NAALADL2: variants seen among roughly 807,000 people sequenced by gnomAD.
The protein encoded by NAALADL2 is inactive N-acetylated-alpha-linked acidic dipeptidase-like protein 2.
A neutral mutation model predicts 87.2 loss-of-function variants in NAALADL2; 76 were observed. The observed-to-expected ratio is 0.87, with a 90% confidence interval of 0.72 to 1.05. The LOEUF is 1.05. Ranked by LOEUF, NAALADL2 falls within the 50% of genes least tolerant of loss-of-function variation. The probability of loss-of-function intolerance (pLI) is 0.00; values close to 1 mark genes in which losing one functional copy is unlikely to be tolerated. For synonymous variants in NAALADL2, 354 were observed against 331.0 expected (o/e 1.07, Z -0.75); for missense variants, 1,089 against 945.8 (o/e 1.15, Z -1.99).
At chr3:174,982,183 T>C (rs1745213338) in intron 1 of NAALADL2, among the ~76,000 whole-genome samples, 1 of 152,150 alleles carries the variant, frequency 6.6e-6, no homozygotes, top group African/African-American at 2.4e-5. Context: ...AGGCAGTTTT[T>C]AGATAGTCTG....
rs142902457 is a variant in NAALADL2 at position 174,676,228 on chromosome 3, C to T, written c.-114-61413C>T. ...AAGTTTCATGGCTAAATGAAATCTT[C>T]GATGATTTAAAAATATTTAAAACAG... On this transcript the variant is annotated intron_variant, in intron 2 of 3. Transcript: ENST00000434257. Among the ~76,000 whole-genome samples the T allele has an allele frequency of 4.8e-3, 730 of 151,910 alleles. 7 individuals carry two copies. Among genetic ancestry groups the T allele is most frequent in the African/African-American group, 0.017 (701 of 41,468 alleles).
At chr3:174,506,867 AT>A (rs150087197) in intron 1 of NAALADL2, among the ~76,000 whole-genome samples, 1 of 151,614 alleles carries the variant, frequency 6.6e-6, no homozygotes, top group South Asian at 2.1e-4. Flanking sequence ...TCTTTTTCTT[AT>A]TTTTTTATTA....
At chr3:174,837,729 G>C (rs1723506975) in intron 3 of NAALADL2, among the ~76,000 whole-genome samples, 1 of 152,056 alleles carries the variant, frequency 6.6e-6, no homozygotes, top group Non-Finnish European at 1.5e-5. Flanking sequence ...GGGAGGCGGG[G>C]GTTGTGGTGG....
intron 1 of NAALADL2, among the ~76,000 whole-genome samples, chr3:174,916,319 G>A (rs1734381276): frequency 6.6e-6 from 1 of 151,928 alleles, no homozygotes. Context: ...TCCTTAATAG[G>A]AACTAAAAGT....
intron 5 of NAALADL2, among the ~76,000 whole-genome samples, chr3:175,401,384 A>G (rs892458303): frequency 1.3e-5 from 2 of 152,152 alleles, no homozygotes; most frequent in Non-Finnish European, 2.9e-5. Flanking sequence ...AATCATCACA[A>G]TAAAAAAAAG....
chr3:174,507,866 C>A (rs1719299797), intron 1 of NAALADL2, among the ~76,000 whole-genome samples: 1 of 151,968 alleles, frequency 6.6e-6, no homozygotes, highest in Admixed American at 6.6e-5. Context: ...CATTCTCATA[C>A]AGGTCCATGC....
chr3:175,734,052 G>A (rs917665957), intron 11 of NAALADL2, among the ~76,000 whole-genome samples: 3 of 152,196 alleles, frequency 2.0e-5, no homozygotes, highest in Admixed American at 2.0e-4. Context: ...GGTATGCAGT[G>A]CAAGCTGTTG....
chr3:174,720,063 G>T (rs1034092661), intron 2 of NAALADL2, among the ~76,000 whole-genome samples: 5 of 152,126 alleles, frequency 3.3e-5, no homozygotes, highest in African/African-American at 4.8e-5. Flanking sequence ...GCCTCCTGAA[G>T]TGCTGGGATT....
At chr3:174,659,166 A>T (rs2108774194) in intron 2 of NAALADL2, among the ~76,000 whole-genome samples, 1 of 152,302 alleles carries the variant, frequency 6.6e-6, no homozygotes, top group Admixed American at 6.5e-5. Flanking sequence ...TCCTTCATGC[A>T]AATATATGAC....
At chr3:175,031,447 T>C (rs1752789928) in intron 1 of NAALADL2, among the ~76,000 whole-genome samples, 1 of 152,056 alleles carries the variant, frequency 6.6e-6, no homozygotes. Flanking sequence ...GAGGATATGA[T>C]TTCATTCTTT....
At chr3:175,427,915 T>C (rs1442124774) in intron 5 of NAALADL2, among the ~76,000 whole-genome samples, 1 of 152,166 alleles carries the variant, frequency 6.6e-6, no homozygotes, top group Non-Finnish European at 1.5e-5. Context: ...GTAGAAACGT[T>C]GACATATAAT....
chr3:174,996,297 A>C (rs1206806839), intron 1 of NAALADL2, among the ~76,000 whole-genome samples: 1 of 152,076 alleles, frequency 6.6e-6, no homozygotes, highest in Admixed American at 6.6e-5. Context: ...GGAGATCGAG[A>C]CCATCCTGGC....
intron 1 of NAALADL2, among the ~76,000 whole-genome samples, chr3:174,541,334 T>C (rs1448029985): frequency 6.6e-6 from 1 of 152,186 alleles, no homozygotes; most frequent in African/African-American, 2.4e-5. Context: ...ATGACGTTTC[T>C]AAAAATTTTT....
chr3:175,512,639 T>G (rs2149397945), intron 9 of NAALADL2, among the ~76,000 whole-genome samples: 1 of 152,302 alleles, frequency 6.6e-6, no homozygotes, highest in Non-Finnish European at 1.5e-5. Flanking sequence ...AGCAAGAATT[T>G]ATGGTGGTGG....
chr3:175,281,934 A>G (rs1398822449), intron 4 of NAALADL2, among the ~76,000 whole-genome samples: 2 of 151,890 alleles, frequency 1.3e-5, no homozygotes, highest in Non-Finnish European at 2.9e-5. Context: ...GCTGACTTGG[A>G]TCTTTTATTT....
chr3:175,550,137 T>G (rs909736630), intron 9 of NAALADL2, among the ~76,000 whole-genome samples: 2 of 152,112 alleles, frequency 1.3e-5, no homozygotes, highest in African/African-American at 2.4e-5. Context: ...AATCATGCTG[T>G]GAATTTTTAT....
intron 2 of NAALADL2, among the ~76,000 whole-genome samples, chr3:174,554,506 T>C (rs11720756): frequency 0.093 from 14,055 of 151,936 alleles, 1,111 homozygotes; most frequent in African/African-American, 0.22. Flanking sequence ...TCTCCCCTCC[T>C]TCCTTTCTTC....
At chr3:175,488,402 G>C (rs767837327) in intron 9 of NAALADL2, among the ~76,000 whole-genome samples, 1 of 152,226 alleles carries the variant, frequency 6.6e-6, no homozygotes, top group African/African-American at 2.4e-5. Context: ...GCATTACTCA[G>C]AAATAATTTC....
intron 7 of NAALADL2, among the ~76,000 whole-genome samples, chr3:175,465,124 C>T (rs187964895): frequency 4.6e-5 from 7 of 151,950 alleles, no homozygotes; most frequent in Non-Finnish European, 7.4e-5. Flanking sequence ...TGGTGGCAGA[C>T]GCCTGTAGTC....
Sources: allele counts gnomAD v4.1 joint callset (sites outside exome capture counted in the v4.1 genomes callset), GRCh38; gene constraint gnomAD v4.1.1; transcripts MANE v1.5; gene names NCBI Gene and HGNC (gene_info 2026-07-23, HGNC 2026-07-21).